TMEM94: variants seen among roughly 807,000 people sequenced by gnomAD.
TMEM94 encodes ER Mg2+ ATPase.
In TMEM94, 81 loss-of-function variants were observed where a neutral mutation model predicts 158.6. The observed-to-expected ratio is 0.51, with a 90% confidence interval of 0.43 to 0.61. The LOEUF (loss-of-function observed/expected upper bound fraction) is 0.61, where lower values mean the gene tolerates loss of function less well. Ranked by LOEUF, TMEM94 falls within the 20% of genes least tolerant of loss-of-function variation. The pLI is 0.00. For missense variants in TMEM94, 1,435 were observed against 1,762.0 expected (o/e 0.81, Z 3.32); for synonymous variants, 751 against 730.7 (o/e 1.03, Z -0.45).
In TMEM94 at chr17:75,486,415, ACCAAAT is replaced by A; in HGVS notation, c.403_408del (p.Ile135_Gln136del). 1 of 1,614,192 alleles carries A rather than the reference ACCAAAT, an allele frequency of 6.2e-7. No homozygotes were observed. Among genetic ancestry groups the A allele is most frequent in the African/African-American group, 1.3e-5 (1 of 75,048 alleles). ...GAGCGGAGGCTGCGAGGGATCATTG[ACCAAAT>A]CCAAGGTGAGGTCAAGGGCAGGCAT... is the stretch of plus-strand genomic sequence containing the variant. On this transcript the variant is annotated inframe_deletion, in exon 5 of 32. Coordinates refer to ENST00000314256, the MANE Select transcript of TMEM94 (RefSeq NM_014738.6).
In TMEM94 at chr17:75,491,108, G is replaced by T. The variant is rs142602580; in HGVS notation, c.1188G>T (p.Thr396=). The part of the protein sequence containing the change: ...FLRVLGGTSP[T]LSHSSSLLHS... Reference sequence around the variant, plus strand: ...GGGTGCTCGGGGGGACATCGCCAACGCTGAGCCACAGTTCCAGCCTGCTGC... The same window carrying T: ...GGGTGCTCGGGGGGACATCGCCAACTCTGAGCCACAGTTCCAGCCTGCTGC... Residue 396 remains threonine, a synonymous_variant, in exon 12 of 32, where the codon ACG becomes ACT. Transcript: ENST00000314256. This position sits in a 1 kb window ranked among gnomAD's most constrained non-coding sequence, Gnocchi z 5.1. The T allele has an allele frequency of 1.2e-5, 20 of 1,613,416 alleles. No individual in the cohort carries two copies. The Admixed American group carries it at 2.5e-4, about 20-fold the overall frequency.
At chr17:75,471,639 A>G (rs375742836) in intron 1 of TMEM94, among the ~76,000 whole-genome samples, 161 bp from the exon 2 acceptor site, 1 of 151,762 alleles carries the variant, frequency 6.6e-6, no homozygotes, top group South Asian at 2.1e-4. Flanking sequence ...GCTTGAACCC[A>G]GGAGACAGAG....
intron 2 of TMEM94, chr17:75,476,756 G>C: frequency 6.5e-7 from 1 of 1,535,724 alleles, no homozygotes; most frequent in Non-Finnish European, 8.7e-7. Context: ...GAGTATGCTG[G>C]CAGGGCTTTT....
rs1307729026 is a variant in TMEM94 at position 75,499,901 on chromosome 17, C to T, written c.*567C>T. On this transcript the variant is annotated 3_prime_UTR_variant, in exon 32 of 32. Coordinates refer to ENST00000314256, the MANE Select transcript of TMEM94 (RefSeq NM_014738.6). ...GATGGAGCAGGGCCCCCGCTTCGCCCTGGAGCCTCTTCCTGTGCCTGGCTC... is the reference window on the plus strand; with the variant it reads ...GATGGAGCAGGGCCCCCGCTTCGCCTTGGAGCCTCTTCCTGTGCCTGGCTC... The T allele has an allele frequency of 6.5e-6, 1 of 154,438 alleles. No homozygotes were observed. The highest frequency in any genetic ancestry group is 1.4e-5 in the Non-Finnish European group (1 of 69,246). The allele number at this position is 154,438 out of a possible 1,614,324, so 9.6% of individuals were successfully genotyped here.
chr17:75,466,916 T>C (rs1232117253), intron 1 of TMEM94, among the ~76,000 whole-genome samples: 1 of 152,098 alleles, frequency 6.6e-6, no homozygotes, highest in Non-Finnish European at 1.5e-5. Context: ...TAAGTCTTCT[T>C]TAATTTTTCT....
At chr17:75,496,177 G>A (rs536335453) in intron 23 of TMEM94, 103 bp downstream of exon 23, 196 of 1,553,274 alleles carry the variant, frequency 1.3e-4, no homozygotes, top group Admixed American at 3.1e-4. Flanking sequence ...AGCCGACCTC[G>A]CCCTGGCTGG....
chr17:75,498,445 A>G lies in TMEM94; in HGVS notation c.3640A>G (p.Asn1214Asp), dbSNP rs2146933204. 6.3e-7 allele frequency: 1 copy of G among 1,588,164 alleles called. No homozygotes were observed. Among genetic ancestry groups the G allele is most frequent in the Admixed American group, 1.7e-5 (1 of 58,260 alleles). The change falls in exon 29 of 32, where the codon AAC (asparagine) becomes GAC (aspartate). Residue 1214 changes from asparagine to aspartate, a missense_variant and splice_region_variant. This residue lies in a region of TMEM94 where 335 missense variants were observed against 409.1 expected (regional missense o/e 0.82). Transcript: ENST00000314256. The surrounding 1 kb of genome is among the most constrained non-coding windows in gnomAD (Gnocchi z 6.7). ...TGAGCCCATGCCTCACTTTGGCAGC[A>G]ACGACGACAGGGCTCCAGCCTGGTT... ...TNCSSVMLPS[N>D]DDRAPAWFED... is the part of the protein sequence containing the mutation.
Position 75,496,296 on chromosome 17 carries a change from C to G in TMEM94, c.3068C>G (p.Pro1023Arg). The change falls in exon 24 of 32, where the codon CCC (proline) becomes CGC (arginine). Residue 1023 changes from proline to arginine, a missense_variant. Pro to Arg is a moderately radical substitution (Grantham distance 103). Around this residue, in one of 3 missense-constraint regions of TMEM94, gnomAD observed 49 missense variants for 98.5 expected, o/e 0.50. Coordinates refer to ENST00000314256, the MANE Select transcript of TMEM94 (RefSeq NM_014738.6). ...ACCCTGAGCAGCATTGCCCTGGATC[C>G]CCTGTACCCATCCCGTTGCTCCTGG... ...LQSDISIALD[P>R]LYPSRCSWET... 6.2e-7 allele frequency: 1 copy of G among 1,614,198 alleles called. No homozygotes were observed.
Position 75,489,720 on chromosome 17 carries a change from T to C in TMEM94, c.954+58T>C. The C allele has an allele frequency of 1.4e-6, 2 of 1,426,378 alleles. No individual in the cohort carries two copies. The highest frequency in any genetic ancestry group is 2.0e-6 in the Non-Finnish European group (2 of 1,012,668). 88.4% of individuals were successfully genotyped at this position (1,426,378 alleles called of 1,614,324 possible). A position where few individuals can be genotyped will look rare whatever the true frequency, so the allele number is the denominator to read the frequency against. ...CCCTCCGACCCGCAGGGCTGGCTCT[T>C]CTCCTAGTACCCTGGCTGTCCCTCC... On this transcript the variant is annotated intron_variant, in intron 9 of 31. Transcript: ENST00000314256. This position sits in a 1 kb window ranked among gnomAD's most constrained non-coding sequence, Gnocchi z 5.0.
intron 1 of TMEM94, among the ~76,000 whole-genome samples, chr17:75,461,807 G>C (rs1425626198): frequency 6.7e-6 from 1 of 150,142 alleles, no homozygotes; most frequent in Non-Finnish European, 1.5e-5. Context: ...CCAGCTACTC[G>C]GGAGGCTGAG....
intron 2 of TMEM94, among the ~76,000 whole-genome samples, chr17:75,480,799 A>G (rs913312188): frequency 5.9e-5 from 9 of 151,960 alleles, no homozygotes; most frequent in Non-Finnish European, 1.0e-4. Flanking sequence ...CCCAGTCTCC[A>G]TCTCTTGGGT....
In TMEM94 at chr17:75,493,505, C is replaced by T; in HGVS notation, c.2101C>T (p.Leu701=). 2 of 1,613,982 alleles carry T rather than the reference C, an allele frequency of 1.2e-6. No individual in the cohort carries two copies. The highest frequency in any genetic ancestry group is 4.5e-5 in the East Asian group (2 of 44,866). ...CTCTCCCCCAGGCACAGAGCAGATG[C>T]TGTCCCATGGCACCGCTGATGTGGT... ...KDTTTSTEQM[L]SHGTADVVLE... Residue 701 remains leucine (L), a synonymous_variant, in exon 17 of 32, where the codon CTG becomes TTG. Coordinates refer to ENST00000314256, the MANE Select transcript of TMEM94 (RefSeq NM_014738.6).
At chr17:75,463,008 TAAAAAAAAAAAA>T (rs1217028321) in intron 1 of TMEM94, among the ~76,000 whole-genome samples, 7 of 5,680 alleles carry the variant, frequency 1.2e-3, no homozygotes, top group African/African-American at 7.4e-3. Context: ...ATAAAAAAAG[TAAAAAAAAAAAA>T]AAAAAAAAAA....
intron 1 of TMEM94, among the ~76,000 whole-genome samples, chr17:75,460,589 C>T (rs948085143): frequency 8.7e-5 from 12 of 138,188 alleles, no homozygotes; most frequent in South Asian, 2.4e-4. Flanking sequence ...TTACGGCTTA[C>T]GGCAGCCTTG....
rs1410444797 is a variant in TMEM94 at position 75,489,121 on chromosome 17, C to T, written c.765-145C>T. 4.5e-5 allele frequency: 41 copies of T among 919,272 alleles called. No individual in the cohort carries two copies. Among genetic ancestry groups the T allele is most frequent in the Non-Finnish European group, 6.2e-5 (37 of 597,260 alleles). 56.9% of individuals were successfully genotyped at this position (919,272 alleles called of 1,614,324 possible). Reference sequence around the variant, plus strand: ...GAGGGGACAGCTCTGGAGGTGAACACGGGCTAGGGCCAGGGCAGAGCGTGG... The same window carrying T: ...GAGGGGACAGCTCTGGAGGTGAACATGGGCTAGGGCCAGGGCAGAGCGTGG... On this transcript the variant is annotated intron_variant, in intron 7 of 31. Transcript: ENST00000314256. The surrounding 1 kb of genome is among the most constrained non-coding windows in gnomAD (Gnocchi z 5.0).
At position 75,496,478 on chromosome 17, in the gene TMEM94, G is replaced by A. The variant is rs2052693471; in HGVS notation, c.3243+7G>A. 1 of 1,609,490 alleles carries A rather than the reference G, an allele frequency of 6.2e-7. No homozygotes were observed. On this transcript the variant is annotated splice_region_variant and intron_variant, in intron 24 of 31. Transcript: ENST00000314256. ...CATCCGGCTTATCGAACAGGTGGGT[G>A]CTTCGGCAGGCAAAGGAGGAGAGAC... is the stretch of plus-strand genomic sequence containing the variant.
intron 1 of TMEM94, among the ~76,000 whole-genome samples, chr17:75,463,833 G>A (rs552532087): frequency 6.6e-6 from 1 of 152,226 alleles, no homozygotes; most frequent in African/African-American, 2.4e-5. Context: ...CCTCACCCAA[G>A]TCATTGATAA....
At position 75,487,911 on chromosome 17, in the gene TMEM94, C is replaced by A; in HGVS notation, c.410-21C>A. 1 of 1,605,558 alleles carries A rather than the reference C, an allele frequency of 6.2e-7. No individual in the cohort carries two copies. The highest frequency in any genetic ancestry group is 1.1e-5 in the South Asian group (1 of 90,828). On this transcript the variant is annotated intron_variant, in intron 5 of 31. Transcript: ENST00000314256. The surrounding 1 kb of genome is among the most constrained non-coding windows in gnomAD (Gnocchi z 4.6). ...AGGGCCGTGGCTGAGAGGGTTGTTT[C>A]CCTCTTTCCATTCCCCTCAGATGCC...
At chr17:75,480,826 A>T (rs996469772) in intron 2 of TMEM94, among the ~76,000 whole-genome samples, 52 of 152,084 alleles carry the variant, frequency 3.4e-4, no homozygotes, top group African/African-American at 1.2e-3. Context: ...CCTTCCCCCT[A>T]TGCAGGCCAG....
Sources: allele counts gnomAD v4.1 joint callset (sites outside exome capture counted in the v4.1 genomes callset), GRCh38; gene constraint gnomAD v4.1.1; regional missense constraint gnomAD v4.1.1; non-coding constraint Gnocchi (gnomAD v3.1); transcripts MANE v1.5; gene names NCBI Gene and HGNC (gene_info 2026-07-23, HGNC 2026-07-21).